AFG2B: variants seen among roughly 807,000 people sequenced by gnomAD.
AFG2B encodes ATPase family gene 2 protein homolog B.
chr15:45,413,439 A>G, the AFG2B span, among the ~76,000 whole-genome samples: 1 of 152,238 alleles, frequency 6.6e-6, no homozygotes, highest in Non-Finnish European at 1.5e-5. Context: ...TGGATTCCCT[A>G]CCTCAGTTAA....
chr15:45,414,532 T>C, the AFG2B span: 6 of 1,575,390 alleles, frequency 3.8e-6, no homozygotes, highest in Non-Finnish European at 5.2e-6. Flanking sequence ...CATTTTATTA[T>C]TATACTAAAA....
the AFG2B span, among the ~76,000 whole-genome samples, chr15:45,410,787 G>A: frequency 6.6e-6 from 1 of 152,124 alleles, no homozygotes; most frequent in Non-Finnish European, 1.5e-5. Context: ...TGGGTGTGGT[G>A]GCTTATGTCT....
the AFG2B span, among the ~76,000 whole-genome samples, chr15:45,406,076 C>T: frequency 6.6e-6 from 1 of 152,122 alleles, no homozygotes; most frequent in Non-Finnish European, 1.5e-5. Context: ...GTATGATGAT[C>T]AAGCTGAGAA....
At chr15:45,405,355 G>T in the AFG2B span, 1 of 1,614,138 alleles carries the variant, frequency 6.2e-7, no homozygotes, top group Non-Finnish European at 8.5e-7. Flanking sequence ...AACAAAGAAA[G>T]GAAATTCTGC....
the AFG2B span, chr15:45,414,525 T>A: frequency 2.6e-6 from 4 of 1,561,278 alleles, no homozygotes; most frequent in Non-Finnish European, 3.5e-6. Context: ...GATATGACAT[T>A]TTATTATTAT....
At chr15:45,414,846 C>G in the AFG2B span, 1 of 1,399,174 alleles carries the variant, frequency 7.1e-7, no homozygotes, top group African/African-American at 1.5e-5. Context: ...TATGGACAAA[C>G]CTTTTTAAAA....
chr15:45,402,802 G>T, the AFG2B span: 5 of 1,594,474 alleles, frequency 3.1e-6, no homozygotes, highest in East Asian at 4.5e-5. Context: ...CGCGCCCGGT[G>T]CCCGGAATAC....
the AFG2B span, among the ~76,000 whole-genome samples, chr15:45,420,002 A>ACC: frequency 4.5e-5 from 5 of 110,786 alleles, no homozygotes; most frequent in African/African-American, 9.5e-5. Context: ...CCCCCCAAAA[A>ACC]AAAAAAAAAA....
At chr15:45,408,909 C>T in the AFG2B span, among the ~76,000 whole-genome samples, 2 of 152,034 alleles carry the variant, frequency 1.3e-5, no homozygotes, top group African/African-American at 4.8e-5. Flanking sequence ...ACTTTTACTC[C>T]CCTCAACATA....
the AFG2B span, among the ~76,000 whole-genome samples, chr15:45,410,073 A>G: frequency 1.3e-5 from 2 of 152,180 alleles, no homozygotes; most frequent in Non-Finnish European, 2.9e-5. Flanking sequence ...GAAAGAAGAA[A>G]AGTACAGGCT....
chr15:45,403,025 A>T, the AFG2B span: 5 of 1,580,210 alleles, frequency 3.2e-6, no homozygotes, highest in Non-Finnish European at 4.3e-6. Flanking sequence ...CCGCAGCCCG[A>T]GGTGCCCCTG....
At chr15:45,418,670 C>A in the AFG2B span, 2 of 1,608,190 alleles carry the variant, frequency 1.2e-6, no homozygotes, top group Non-Finnish European at 1.7e-6. Context: ...ATCTTAGAAA[C>A]CTCTGCACAG....
At chr15:45,409,941 G>C in the AFG2B span, among the ~76,000 whole-genome samples, 1 of 152,144 alleles carries the variant, frequency 6.6e-6, no homozygotes, top group Non-Finnish European at 1.5e-5. Context: ...CTAAAGACTG[G>C]GGATGACCTA....
the AFG2B span, among the ~76,000 whole-genome samples, chr15:45,418,130 G>A: frequency 6.6e-6 from 1 of 151,926 alleles, no homozygotes; most frequent in Non-Finnish European, 1.5e-5. Context: ...GATCACCAGA[G>A]GTCAGGAGTT....
the AFG2B span, chr15:45,421,016 TG>T: frequency 1.3e-6 from 2 of 1,596,104 alleles, no homozygotes; most frequent in Non-Finnish European, 1.7e-6. Context: ...CAAAAGAAAT[TG>T]TTTTCTATTG....
At chr15:45,409,025 G>GT in the AFG2B span, among the ~76,000 whole-genome samples, 1 of 151,980 alleles carries the variant, frequency 6.6e-6, no homozygotes, top group East Asian at 1.9e-4. Context: ...AAGAAATTTA[G>GT]TTAACACAGT....
the AFG2B span, chr15:45,403,595 C>T: frequency 6.4e-7 from 1 of 1,555,922 alleles, no homozygotes; most frequent in Non-Finnish European, 8.6e-7. Flanking sequence ...GCCCCGGAGG[C>T]GTTTGCCTCT....
the AFG2B span, chr15:45,415,711 T>C: frequency 6.2e-7 from 1 of 1,614,102 alleles, no homozygotes; most frequent in Admixed American, 1.7e-5. Flanking sequence ...CTTTCTGTTC[T>C]CCTGAATGAA....
the AFG2B span, chr15:45,405,199 C>G: frequency 1.0e-6 from 1 of 964,404 alleles, no homozygotes. Context: ...ACCCCCAACC[C>G]TTCCCAGTGT....
Sources: allele counts gnomAD v4.1 joint callset (sites outside exome capture counted in the v4.1 genomes callset), GRCh38; gene constraint gnomAD v4.1.1; transcripts MANE v1.5; gene names NCBI Gene and HGNC (gene_info 2026-07-23, HGNC 2026-07-21).